Variants in NPAS3 observed in about 807,000 individuals in gnomAD.
NPAS3 encodes neuronal PAS domain-containing protein 3.
Under a neutral mutation model 73.1 loss-of-function variants are expected in NPAS3, and 14 were observed. The observed-to-expected ratio is 0.19, with a 90% CI of 0.13 to 0.30. The LOEUF is 0.30. Among genes scored for constraint, NPAS3 ranks in the 10% least tolerant of loss-of-function variants. The probability of loss-of-function intolerance (pLI) is 1.00; values close to 1 mark genes in which losing one functional copy is unlikely to be tolerated. For synonymous variants in NPAS3, 620 were observed against 541.5 expected, an observed-to-expected ratio of 1.14 and a Z score of -2.01; for missense variants, 1,096 against 1,250.0, an observed-to-expected ratio of 0.88 and a Z score of 1.86.
At chr14:33,629,216 CAG>C (rs1352893026) in intron 5 of NPAS3, among the ~76,000 whole-genome samples, 2 of 140,582 alleles carry the variant, frequency 1.4e-5, no homozygotes, top group African/African-American at 2.7e-5. Flanking sequence ...GCCTGGGTGA[CAG>C]AGCGAGACTC....
chr14:33,683,209 C>G (rs2059989109), intron 6 of NPAS3, among the ~76,000 whole-genome samples: 1 of 151,808 alleles, frequency 6.6e-6, no homozygotes, highest in African/African-American at 2.4e-5. Context: ...ACAGTAGGTT[C>G]TCTCAGTTTA....
At chr14:33,779,445 CT>C (rs1193581478) in intron 9 of NPAS3, among the ~76,000 whole-genome samples, 2 of 152,180 alleles carry the variant, frequency 1.3e-5, no homozygotes, top group Non-Finnish European at 2.9e-5. Context: ...CCCCTACCCC[CT>C]ATCCATGTCC....
At chr14:32,994,437 T>G (rs2038467314) in intron 1 of NPAS3, among the ~76,000 whole-genome samples, 1 of 152,100 alleles carries the variant, frequency 6.6e-6, no homozygotes, top group Non-Finnish European at 1.5e-5. Context: ...CATACTGAAC[T>G]TTTGTAAATT....
At chr14:33,481,254 A>G (rs1431251744) in intron 4 of NPAS3, among the ~76,000 whole-genome samples, 1 of 151,942 alleles carries the variant, frequency 6.6e-6, no homozygotes, top group Non-Finnish European at 1.5e-5. Context: ...TTTTCTTCTT[A>G]GTAACTTGTC....
rs183565901 is a variant in NPAS3 at position 32,950,383 on chromosome 14, C to G, written c.50+11017C>G. ...TATATGCAAGAGTTATAGTTAGCAGCACAGATAACAGAAGCATTATAAAGG... is the reference window on the plus strand; with the variant it reads ...TATATGCAAGAGTTATAGTTAGCAGGACAGATAACAGAAGCATTATAAAGG... On this transcript the variant is annotated intron_variant, in intron 1 of 11. Transcript: ENST00000356141. Among the ~76,000 whole-genome samples the G allele has an allele frequency of 2.4e-4, 36 of 152,108 alleles. No homozygotes were observed. In the East Asian group the frequency reaches 6.6e-3, roughly 28 times the overall value.
intron 3 of NPAS3, among the ~76,000 whole-genome samples, chr14:33,314,166 T>G (rs995918399): frequency 1.3e-5 from 2 of 152,064 alleles, no homozygotes; most frequent in Non-Finnish European, 2.9e-5. Flanking sequence ...TTTAGATCAA[T>G]CCAAAGGGTT....
In NPAS3 at chr14:33,531,845, T is replaced by C. The variant is rs1057100573; in HGVS notation, c.469-28276T>C. Among the ~76,000 whole-genome samples, 4 of 152,288 alleles carry C rather than the reference T, an allele frequency of 2.6e-5. No homozygotes were observed. The South Asian group carries it at 6.2e-4, about 24-fold the overall frequency. On this transcript the variant is annotated intron_variant, in intron 4 of 11. Coordinates refer to ENST00000356141, the Ensembl canonical transcript of NPAS3. The stretch of plus-strand genomic sequence containing the variant: ...TCAGCACTTAGGATTGTCAGCCTTC[T>C]GTTTTTAATCTTAGCCATTCTGATA...
intron 2 of NPAS3, among the ~76,000 whole-genome samples, chr14:33,162,213 T>C (rs1196601821): frequency 2.0e-5 from 3 of 152,250 alleles, no homozygotes; most frequent in Non-Finnish European, 4.4e-5. Context: ...ACAGAAATTT[T>C]TAAACACAAA....
chr14:33,453,724 A>T (rs2049903286), intron 4 of NPAS3, among the ~76,000 whole-genome samples: 1 of 152,174 alleles, frequency 6.6e-6, no homozygotes, highest in Non-Finnish European at 1.5e-5. Context: ...TTACTTTTGC[A>T]TTGTTGACCT....
intron 5 of NPAS3, among the ~76,000 whole-genome samples, chr14:33,619,859 T>G (rs1460859768): frequency 6.6e-6 from 1 of 152,202 alleles, no homozygotes; most frequent in South Asian, 2.1e-4. Flanking sequence ...AGAAGAAATC[T>G]TATCACATGG....
chr14:33,419,937 G>A (rs186019274), intron 4 of NPAS3, among the ~76,000 whole-genome samples: 10 of 152,006 alleles, frequency 6.6e-5, no homozygotes, highest in Non-Finnish European at 2.9e-5. Flanking sequence ...GTGTTTGTGT[G>A]GAAAATATAC....
chr14:33,379,482 T>C (rs1190524352), intron 4 of NPAS3, among the ~76,000 whole-genome samples: 2 of 152,244 alleles, frequency 1.3e-5, no homozygotes, highest in African/African-American at 4.8e-5. Flanking sequence ...TACTGTGTTC[T>C]TCTTGGCTTT....
In NPAS3 at chr14:33,078,168, A is replaced by C. The variant is rs187361296; in HGVS notation, c.140+22174A>C. Among the ~76,000 whole-genome samples the C allele has an allele frequency of 4.1e-4, 63 of 152,198 alleles. No individual in the cohort carries two copies. The South Asian group carries it at 6.6e-3, about 16-fold the overall frequency. On this transcript the variant is annotated intron_variant, in intron 2 of 11. Coordinates refer to ENST00000356141, the Ensembl canonical transcript of NPAS3. Reference sequence around the variant, plus strand: ...AAATAAATAAATAAACAAACATAAAAATAAAAAAAAGAAAAAGAAAATACA... The same window carrying C: ...AAATAAATAAATAAACAAACATAAACATAAAAAAAAGAAAAAGAAAATACA...
intron 9 of NPAS3, among the ~76,000 whole-genome samples, chr14:33,784,740 TA>T (rs1277313627): frequency 0.013 from 1,290 of 98,954 alleles, 78 homozygotes; most frequent in African/African-American, 0.029. Flanking sequence ...TTTATTTATT[TA>T]TTTATTTTTT....
chr14:33,554,125 G>A (rs529084858), intron 4 of NPAS3, among the ~76,000 whole-genome samples: 26 of 152,316 alleles, frequency 1.7e-4, no homozygotes, highest in African/African-American at 6.0e-4. Context: ...TGGCTCAAGG[G>A]CAGACCCACT....
chr14:33,739,975 C>T (rs1405038276), intron 7 of NPAS3, among the ~76,000 whole-genome samples: 2 of 152,060 alleles, frequency 1.3e-5, no homozygotes, highest in African/African-American at 4.8e-5. Flanking sequence ...TTTTTCATTT[C>T]CCCTAATGCA....
intron 3 of NPAS3, among the ~76,000 whole-genome samples, chr14:33,276,291 C>T (rs1177128486): frequency 2.0e-5 from 3 of 152,078 alleles, no homozygotes; most frequent in Non-Finnish European, 2.9e-5. Context: ...ATGCAGTTAA[C>T]ACAGTAATAA....
chr14:33,070,529 C>T (rs923860000), intron 2 of NPAS3, among the ~76,000 whole-genome samples: 1 of 152,304 alleles, frequency 6.6e-6, no homozygotes, highest in East Asian at 1.9e-4. Context: ...GCAGTGCAGA[C>T]AGTGGCTGTC....
intron 2 of NPAS3, among the ~76,000 whole-genome samples, chr14:33,062,517 T>C (rs2041143876): frequency 6.6e-6 from 1 of 152,106 alleles, no homozygotes; most frequent in African/African-American, 2.4e-5. Context: ...TAAAAATGGA[T>C]AGGCGCAGGC....
Sources: allele counts gnomAD v4.1 joint callset (sites outside exome capture counted in the v4.1 genomes callset), GRCh38; gene constraint gnomAD v4.1.1; transcripts MANE v1.5; gene names NCBI Gene and HGNC (gene_info 2026-07-23, HGNC 2026-07-21).